PPIL4: variants seen among roughly 807,000 people sequenced by gnomAD.
PPIL4 encodes peptidylprolyl isomerase like 4, also known as peptidyl-prolyl cis-trans isomerase-like 4.
In PPIL4, 50 loss-of-function variants were observed where a neutral mutation model predicts 69.1. The observed-to-expected ratio is 0.72, with a 90% CI of 0.58 to 0.92. PPIL4 has a LOEUF of 0.92. PPIL4 is among the 40% of genes least tolerant of loss of function. The pLI is 0.00. For synonymous variants in PPIL4, 193 were observed against 191.6 expected (o/e 1.01, Z -0.06); for missense variants, 480 against 587.9 (o/e 0.82, Z 1.90).
chr6:149,510,727 A>G (rs975660218), intron 12 of PPIL4, among the ~76,000 whole-genome samples: 1 of 152,148 alleles, frequency 6.6e-6, no homozygotes, highest in Non-Finnish European at 1.5e-5. Flanking sequence ...GGGCAACAAG[A>G]GCAAAACTCC....
At chr6:149,528,857 C>A (rs1038385883) in intron 7 of PPIL4, among the ~76,000 whole-genome samples, 3 of 152,184 alleles carry the variant, frequency 2.0e-5, no homozygotes, top group Admixed American at 6.5e-5. Flanking sequence ...TGGAAGCAAC[C>A]AAGGTATCTT....
intron 6 of PPIL4, among the ~76,000 whole-genome samples, chr6:149,534,105 G>A (rs967084793): frequency 4.6e-5 from 7 of 151,586 alleles, no homozygotes; most frequent in East Asian, 3.9e-4. Context: ...ACAATGAGCC[G>A]AGATCCCACC....
chr6:149,542,028 T>C (rs903825338), intron 1 of PPIL4, among the ~76,000 whole-genome samples: 5 of 151,308 alleles, frequency 3.3e-5, no homozygotes, highest in African/African-American at 4.9e-5. Context: ...TAAAATAAAA[T>C]AAAATAAAAT....
rs1207462445 is a variant in PPIL4, at chr6:149,512,151, G to C, written c.1227+4C>G. On this transcript the variant is annotated splice_donor_region_variant and intron_variant, in intron 12 of 12. Coordinates refer to ENST00000253329, the MANE Select transcript of PPIL4 (RefSeq NM_139126.4). Reference sequence around the variant, plus strand: ...CCACATCTAAGTCTGGACATTAGAGGTACCTGATTAGTATTTTTGATTGGC... The same window carrying C: ...CCACATCTAAGTCTGGACATTAGAGCTACCTGATTAGTATTTTTGATTGGC... 1.3e-6 allele frequency: 2 copies of C among 1,598,294 alleles called. No individual in the cohort carries two copies. Among genetic ancestry groups the C allele is most frequent in the African/African-American group, 2.7e-5 (2 of 74,070 alleles).
chr6:149,527,291 G>C (rs887787938), intron 7 of PPIL4, among the ~76,000 whole-genome samples: 1 of 152,196 alleles, frequency 6.6e-6, no homozygotes, highest in Non-Finnish European at 1.5e-5. Flanking sequence ...CCAGGAGGCG[G>C]AGGTTGCAGT....
intron 9 of PPIL4, among the ~76,000 whole-genome samples, chr6:149,523,939 T>C (rs1777068155): frequency 6.6e-6 from 1 of 152,234 alleles, no homozygotes; most frequent in East Asian, 1.9e-4. Context: ...TCTGACACAG[T>C]GCCTACATAT....
chr6:149,538,959 G>A (rs1777320270), intron 4 of PPIL4, among the ~76,000 whole-genome samples: 1 of 151,824 alleles, frequency 6.6e-6, no homozygotes, highest in South Asian at 2.1e-4. Context: ...CAATTCTCCT[G>A]TCTCAGCCTC....
At chr6:149,505,735 T>C in intron 12 of PPIL4, 31 bp from the exon 13 acceptor site, 1 of 1,585,752 alleles carries the variant, frequency 6.3e-7, no homozygotes, top group Non-Finnish European at 8.6e-7. Flanking sequence ...TACAAGTGAA[T>C]CAGTAAAATA....
At chr6:149,545,859 TG>T in intron 1 of PPIL4, 76 bp downstream of exon 1, 1 of 1,344,066 alleles carries the variant, frequency 7.4e-7, no homozygotes, top group Non-Finnish European at 1.0e-6. Flanking sequence ...ATCTCTGCCC[TG>T]GACTGCGCAG....
intron 9 of PPIL4, among the ~76,000 whole-genome samples, chr6:149,523,360 T>C (rs1777060076): frequency 6.6e-6 from 1 of 151,624 alleles, no homozygotes; most frequent in Admixed American, 6.6e-5. Flanking sequence ...AAAAAGAGCT[T>C]GCATCCAGAA....
Position 149,526,761 on chromosome 6 carries a change from C to G in PPIL4, c.694G>C (p.Asp232His), listed in dbSNP as rs776278285. The change falls in exon 8 of 13, where the codon GAT becomes CAT. Residue 232 changes from aspartate (D) to histidine (H), a missense_variant. Physicochemically the swap from Asp to His is moderately conservative, Grantham distance 81. Coordinates refer to ENST00000253329, the MANE Select transcript of PPIL4 (RefSeq NM_139126.4). ...ILLEMVGDLP[D>H]ADIKPPENVL... ...TTTTCTGGAGGTTTAATATCTGCAT[C>G]AGGTAGGTCTCCCACCTAAATTACA... is the stretch of plus-strand genomic sequence containing the variant. The G allele has an allele frequency of 2.5e-5, 40 of 1,612,616 alleles. No homozygotes were observed. The highest frequency in any genetic ancestry group is 1.7e-4 in the Admixed American group (10 of 59,878).
chr6:149,510,643 G>A (rs1345773139), intron 12 of PPIL4, among the ~76,000 whole-genome samples: 5 of 152,122 alleles, frequency 3.3e-5, no homozygotes, highest in Non-Finnish European at 7.4e-5. Context: ...TCGGGAGGCT[G>A]AGGCAGGAGA....
intron 1 of PPIL4, among the ~76,000 whole-genome samples, chr6:149,543,054 A>T (rs1210956892): frequency 6.6e-6 from 1 of 152,164 alleles, no homozygotes; most frequent in East Asian, 1.9e-4. Context: ...ATGATCATCA[A>T]TGGCTGCCAA....
chr6:149,544,482 T>A (rs1384440164), intron 1 of PPIL4, among the ~76,000 whole-genome samples: 1 of 152,230 alleles, frequency 6.6e-6, no homozygotes, highest in Non-Finnish European at 1.5e-5. Context: ...ATGGTATAGT[T>A]CCTGCTCTCA....
intron 8 of PPIL4, 39 bp from the exon 9 acceptor site, chr6:149,525,248 A>G (rs781676055): frequency 1.8e-6 from 2 of 1,135,276 alleles, no homozygotes; most frequent in Non-Finnish European, 1.3e-6. Flanking sequence ...AAAAAAAAAA[A>G]AAGGAAGAAA....
chr6:149,519,561 G>A (rs571940538), intron 10 of PPIL4, among the ~76,000 whole-genome samples: 4 of 152,288 alleles, frequency 2.6e-5, no homozygotes, highest in South Asian at 2.1e-4. Context: ...TGTTCTAGGA[G>A]GAGGTAAGGT....
At position 149,512,558 on chromosome 6, in the gene PPIL4, G is replaced by A. The variant is rs537191364; in HGVS notation, c.1080-256C>T. ...AAAAAATTAGGAGGAAAAAATAAAC[G>A]TATTTGTCAATAATTTAAAAAATTT... is the stretch of plus-strand genomic sequence containing the variant. On this transcript the variant is annotated intron_variant, in intron 11 of 12. Coordinates refer to ENST00000253329, the MANE Select transcript of PPIL4 (RefSeq NM_139126.4). Among the ~76,000 whole-genome samples the A allele has an allele frequency of 3.3e-5, 5 of 152,052 alleles. No individual in the cohort carries two copies. The East Asian group carries it at 5.8e-4, about 18-fold the overall frequency.
chr6:149,532,240 T>C (rs1260810737), intron 7 of PPIL4, among the ~76,000 whole-genome samples: 1 of 152,258 alleles, frequency 6.6e-6, no homozygotes, highest in East Asian at 1.9e-4. Flanking sequence ...GTAAAAGGTA[T>C]ATAGAAGTTC....
intron 12 of PPIL4, among the ~76,000 whole-genome samples, chr6:149,511,223 G>A (rs1339975146): frequency 6.7e-6 from 1 of 150,020 alleles, no homozygotes; most frequent in African/African-American, 2.5e-5. Context: ...AAGGAGCTCT[G>A]ATGTAAAAAA....
Sources: allele counts gnomAD v4.1 joint callset (sites outside exome capture counted in the v4.1 genomes callset), GRCh38; gene constraint gnomAD v4.1.1; transcripts MANE v1.5; gene names NCBI Gene and HGNC (gene_info 2026-07-23, HGNC 2026-07-21).